The following DGAT2 variants were observed in gnomAD, a reference collection of about 807,000 sequenced individuals.
The protein encoded by DGAT2 is acyl-CoA retinol O-fatty-acyltransferase.
Under a neutral mutation model 48.4 loss-of-function variants are expected in DGAT2, and 33 were observed. The ratio of observed to expected loss-of-function variants is 0.68; its 90% CI spans 0.52 to 0.91. The LOEUF (loss-of-function observed/expected upper bound fraction) is 0.91, where lower values mean the gene tolerates loss of function less well. Ranked by LOEUF, DGAT2 falls within the 40% of genes least tolerant of loss-of-function variation. The pLI, the probability that DGAT2 is intolerant of heterozygous loss-of-function variation, is 0.00. For synonymous variants in DGAT2, 191 were observed against 194.1 expected (o/e 0.98, Z 0.13); for missense variants, 446 against 493.7 (o/e 0.90, Z 0.92).
In DGAT2 at chr11:75,784,720, A is replaced by G; in HGVS notation, c.224A>G (p.Gln75Arg). ...CAGCTACAGGTCATCTCAGTGCTCC[A>G]GTGGGTCCTGTCCTTCCTTGTACTG... The part of the protein sequence containing the change: ...EKQLQVISVL[Q>R]WVLSFLVLGV... The change falls in exon 2 of 8, where the codon CAG (glutamine) becomes CGG (arginine). Residue 75 changes from glutamine (Q) to arginine (R), a missense_variant. Coordinates refer to ENST00000228027, the MANE Select transcript of DGAT2 (RefSeq NM_032564.5). 1 of 1,614,134 alleles carries G rather than the reference A, an allele frequency of 6.2e-7. No homozygotes were observed. Among genetic ancestry groups the G allele is most frequent in the Non-Finnish European group, 8.5e-7 (1 of 1,179,992 alleles).
intron 1 of DGAT2, among the ~76,000 whole-genome samples, chr11:75,777,218 T>G (rs1944811683): frequency 6.8e-6 from 1 of 147,406 alleles, no homozygotes; most frequent in Admixed American, 6.8e-5. Context: ...CTCTCTCACA[T>G]TGATGCCAGA....
intron 1 of DGAT2, among the ~76,000 whole-genome samples, chr11:75,771,729 C>A (rs1944759887): frequency 6.6e-6 from 1 of 152,128 alleles, no homozygotes; most frequent in Non-Finnish European, 1.5e-5. Flanking sequence ...GTGGCTTCCC[C>A]CCTCACCTAC....
intron 1 of DGAT2, among the ~76,000 whole-genome samples, chr11:75,771,727 C>T (rs1944759837): frequency 6.6e-6 from 1 of 152,174 alleles, no homozygotes; most frequent in East Asian, 1.9e-4. Flanking sequence ...GTGTGGCTTC[C>T]CCCCTCACCT....
At chr11:75,784,427 G>GTTTCTAT in intron 1 of DGAT2, 191 bp from the exon 2 acceptor site, 1 of 628,598 alleles carries the variant, frequency 1.6e-6, no homozygotes, top group Non-Finnish European at 2.6e-6. Context: ...GGGCACAGGG[G>GTTTCTAT]AGCATGCAGA....
At chr11:75,789,927 T>G (rs898032253) in intron 2 of DGAT2, among the ~76,000 whole-genome samples, 2 of 152,168 alleles carry the variant, frequency 1.3e-5, no homozygotes, top group Non-Finnish European at 2.9e-5. Context: ...GGTGCTCCTG[T>G]CCAGATAACA....
At chr11:75,784,909 A>C (rs1340743860) in intron 2 of DGAT2, among the ~76,000 whole-genome samples, 163 bp downstream of exon 2, 1 of 152,122 alleles carries the variant, frequency 6.6e-6, no homozygotes, top group Non-Finnish European at 1.5e-5. Flanking sequence ...TCCCAGATCA[A>C]GTGCTCTACC....
chr11:75,784,741 T>A lies in DGAT2; in HGVS notation c.245T>A (p.Val82Glu), dbSNP rs376527356. 6.2e-6 allele frequency: 10 copies of A among 1,613,892 alleles called. No homozygotes were observed. The highest frequency in any genetic ancestry group is 7.6e-6 in the Non-Finnish European group (9 of 1,179,938). The change falls in exon 2 of 8, where the codon GTA becomes GAA. Residue 82 changes from valine (V) to glutamate (E), a missense_variant. Physicochemically the swap from Val to Glu is moderately radical, Grantham distance 121. Transcript: ENST00000228027. ...CTCCAGTGGGTCCTGTCCTTCCTTG[T>A]ACTGGGTAAGCTGGGCCTTAGAGGG... ...SVLQWVLSFL[V>E]LGVACSAILM...
intron 4 of DGAT2, chr11:75,796,089 G>C (rs1364617817): frequency 1.9e-6 from 1 of 538,842 alleles, no homozygotes; most frequent in African/African-American, 1.9e-5. Flanking sequence ...AGACTGAGAG[G>C]AACAAGGGCA....
chr11:75,790,565 A>G (rs966928960), intron 3 of DGAT2, 96 bp from the exon 4 acceptor site: 6 of 1,152,060 alleles, frequency 5.2e-6, no homozygotes, highest in East Asian at 2.3e-5. Flanking sequence ...GCATGGGGTG[A>G]TGGTCACCTG....
At chr11:75,777,761 T>C (rs1054891089) in intron 1 of DGAT2, among the ~76,000 whole-genome samples, 4 of 152,212 alleles carry the variant, frequency 2.6e-5, no homozygotes, top group African/African-American at 9.6e-5. Flanking sequence ...AGGCGTGAGC[T>C]GCCCACAGTC....
intron 7 of DGAT2, among the ~76,000 whole-genome samples, chr11:75,799,674 C>T (rs573228830): frequency 1.3e-5 from 2 of 151,464 alleles, no homozygotes; most frequent in African/African-American, 2.4e-5. Context: ...AGTGCAGTGG[C>T]GCAATCTCGG....
intron 3 of DGAT2, 128 bp from the exon 4 acceptor site, chr11:75,790,533 C>T: frequency 1.1e-6 from 1 of 913,264 alleles, no homozygotes; most frequent in Non-Finnish European, 1.8e-6. Context: ...TGGAAAGGGG[C>T]CTGATGGGAA....
intron 6 of DGAT2, among the ~76,000 whole-genome samples, chr11:75,797,735 G>T (rs1212468526): frequency 6.6e-6 from 1 of 152,114 alleles, no homozygotes; most frequent in East Asian, 1.9e-4. Flanking sequence ...AGAAGAGGCT[G>T]CCCTGCAGGC....
At chr11:75,778,820 C>T (rs1305513643) in intron 1 of DGAT2, among the ~76,000 whole-genome samples, 1 of 128,504 alleles carries the variant, frequency 7.8e-6, no homozygotes, top group Non-Finnish European at 1.6e-5. Context: ...GGCGACAGAT[C>T]GGGACTCCGT....
At chr11:75,771,653 A>G (rs1176385756) in intron 1 of DGAT2, among the ~76,000 whole-genome samples, 1 of 152,102 alleles carries the variant, frequency 6.6e-6, no homozygotes, top group African/African-American at 2.4e-5. Context: ...GAGGGTTGAC[A>G]GTCACCTAAC....
At chr11:75,770,173 C>G (rs886478233) in intron 1 of DGAT2, among the ~76,000 whole-genome samples, 3 of 152,208 alleles carry the variant, frequency 2.0e-5, no homozygotes, top group African/African-American at 7.2e-5. Flanking sequence ...AGTTATGAAT[C>G]TTGTTTTCTC....
At chr11:75,769,242 C>CT in intron 1 of DGAT2, 130 bp downstream of exon 1, 1 of 1,178,984 alleles carries the variant, frequency 8.5e-7, no homozygotes, top group Non-Finnish European at 1.1e-6. Flanking sequence ...TTTACGACCT[C>CT]TGTTACATCG....
intron 2 of DGAT2, among the ~76,000 whole-genome samples, chr11:75,786,389 C>CT (rs1944923065): frequency 6.6e-6 from 1 of 152,086 alleles, no homozygotes; most frequent in Non-Finnish European, 1.5e-5. Context: ...CCTCCCAGAC[C>CT]CCCTGCCTAG....
chr11:75,781,705 G>A (rs1430194908), intron 1 of DGAT2, among the ~76,000 whole-genome samples: 1 of 152,202 alleles, frequency 6.6e-6, no homozygotes, highest in Admixed American at 6.5e-5. Flanking sequence ...GGTAGTTGGG[G>A]CTGGATAAGG....
Sources: allele counts gnomAD v4.1 joint callset (sites outside exome capture counted in the v4.1 genomes callset), GRCh38; gene constraint gnomAD v4.1.1; transcripts MANE v1.5; gene names NCBI Gene and HGNC (gene_info 2026-07-23, HGNC 2026-07-21).